FRS2: variants seen among roughly 807,000 people sequenced by gnomAD.
The protein encoded by FRS2 is FGFR signalling adaptor.
A neutral mutation model predicts 43.9 loss-of-function variants in FRS2; 8 were observed. The ratio of observed to expected loss-of-function variants is 0.18; its 90% CI spans 0.11 to 0.33. The LOEUF (loss-of-function observed/expected upper bound fraction) is 0.33, where lower values mean the gene tolerates loss of function less well. Among genes scored for constraint, FRS2 ranks in the 10% least tolerant of loss-of-function variants. The pLI is 1.00. For synonymous variants in FRS2, 219 were observed against 220.3 expected (o/e 0.99, Z 0.05); for missense variants, 534 against 627.6 (o/e 0.85, Z 1.59).
At chr12:69,480,191 A>G (rs2120721427) in intron 1 of FRS2, 1 of 152,322 alleles carries the variant, frequency 6.6e-6, no homozygotes, top group South Asian at 2.1e-4. Flanking sequence ...AAGTGCATTC[A>G]CATCATTGTG....
rs1881286884 is a variant in FRS2, at chr12:69,577,765, C to A, written c.*2810C>A. On this transcript the variant is annotated 3_prime_UTR_variant, in exon 9 of 9. Transcript: ENST00000549921. ...CCTTCCCTCCCTCCAGGAAGACTGG[C>A]AAATATTTCCTTTTATTTACTGCTG... 1 of 152,546 alleles carries A rather than the reference C, an allele frequency of 6.6e-6. No homozygotes were observed. Among genetic ancestry groups the A allele is most frequent in the Admixed American group, 6.6e-5 (1 of 15,252 alleles). The allele number at this position is 152,546 out of a possible 1,614,324, so 9.4% of individuals were successfully genotyped here.
chr12:69,538,195 TTTTATATATATA>T (rs71094721), intron 3 of FRS2, among the ~76,000 whole-genome samples: 28,859 of 76,806 alleles, frequency 0.38, 3,481 homozygotes, highest in South Asian at 0.5. Flanking sequence ...AAAAAACAAA[TTTTATATATATA>T]TATATATATA....
intron 3 of FRS2, among the ~76,000 whole-genome samples, chr12:69,549,024 C>T (rs895516476): frequency 1.3e-5 from 2 of 152,044 alleles, no homozygotes; most frequent in Non-Finnish European, 2.9e-5. Context: ...AACTTTTAAG[C>T]CCTACCTTAA....
At chr12:69,494,567 T>G (rs1045020293) in intron 1 of FRS2, among the ~76,000 whole-genome samples, 1 of 152,190 alleles carries the variant, frequency 6.6e-6, no homozygotes, top group African/African-American at 2.4e-5. Flanking sequence ...CAGATACTTC[T>G]TTGTTGTGGG....
chr12:69,570,850 C>A (rs1016428747), intron 6 of FRS2, among the ~76,000 whole-genome samples: 1 of 152,098 alleles, frequency 6.6e-6, no homozygotes, highest in Non-Finnish European at 1.5e-5. Flanking sequence ...TGTTAAATTT[C>A]TTCTCTATAA....
intron 3 of FRS2, among the ~76,000 whole-genome samples, chr12:69,555,696 C>A (rs1215199075): frequency 1.3e-5 from 2 of 152,074 alleles, no homozygotes; most frequent in Non-Finnish European, 2.9e-5. Context: ...TGAGTGTGCA[C>A]GTGTTTTGGT....
rs1034419709 is a variant in FRS2, at chr12:69,574,061, T to C, written c.633T>C (p.Ser211=). ...GVQEERKNRT[S]VHVPLEARVS... is the part of the protein sequence containing the mutation. ...AAGAAGAGCGGAAAAACCGCACAAG[T>C]GTGCATGTTCCATTGGAGGCGAGGG... The change falls in exon 9 of 9, where the codon AGT becomes AGC. Residue 211 remains serine (S), a synonymous_variant. Transcript: ENST00000549921. 1.9e-6 allele frequency: 3 copies of C among 1,614,104 alleles called. No homozygotes were observed. The African/African-American group carries it at 4.0e-5, about 22-fold the overall frequency.
intron 1 of FRS2, among the ~76,000 whole-genome samples, chr12:69,491,173 G>A (rs1310674629): frequency 6.6e-6 from 1 of 152,046 alleles, no homozygotes; most frequent in East Asian, 1.9e-4. Context: ...TTGGCTCATT[G>A]CAGCCTTGAC....
At chr12:69,567,568 T>C (rs1297840270) in intron 4 of FRS2, among the ~76,000 whole-genome samples, 1 of 152,196 alleles carries the variant, frequency 6.6e-6, no homozygotes, top group Non-Finnish European at 1.5e-5. Flanking sequence ...CCACAATTTC[T>C]ACTCAGTACA....
chr12:69,562,717 C>G (rs187090484), intron 4 of FRS2, among the ~76,000 whole-genome samples: 2 of 151,818 alleles, frequency 1.3e-5, no homozygotes, highest in East Asian at 3.9e-4. Flanking sequence ...TGAGACAGAG[C>G]CTTGCTTTGT....
chr12:69,475,632 C>T (rs1335330784), intron 1 of FRS2, among the ~76,000 whole-genome samples: 2 of 152,136 alleles, frequency 1.3e-5, no homozygotes, highest in Admixed American at 1.3e-4. Flanking sequence ...TAGATAGACC[C>T]GTGTCAAAAT....
chr12:69,559,319 T>G lies in FRS2; in HGVS notation c.-121-2861T>G, dbSNP rs150513196. ...CAGTTCAGGGAATTTTGATTAGATA[T>G]AATTGCCAGAAATTAAGGTACCAGA... is the stretch of plus-strand genomic sequence containing the variant. On this transcript the variant is annotated intron_variant, in intron 3 of 8. Transcript: ENST00000549921. Among the ~76,000 whole-genome samples the G allele has an allele frequency of 3.9e-5, 6 of 152,344 alleles. No homozygotes were observed. In the East Asian group the frequency reaches 1.2e-3, roughly 29 times the overall value.
intron 1 of FRS2, among the ~76,000 whole-genome samples, chr12:69,488,842 G>C (rs79074028): frequency 7.8e-4 from 119 of 152,272 alleles, no homozygotes; most frequent in African/African-American, 2.7e-3. Context: ...GGAATGGACT[G>C]CTGGCTCTTA....
Position 69,574,405 on chromosome 12 carries a change from C to A in FRS2, c.977C>A (p.Thr326Lys), listed in dbSNP as rs1387427153. Residue 326 changes from threonine (T) to lysine (K), a missense_variant, in exon 9 of 9, where the codon ACA becomes AAA. Physicochemically the swap from Thr to Lys is moderately conservative, Grantham distance 78. This residue lies in a region of FRS2 where 446 missense variants were observed against 494.2 expected (regional missense o/e 0.90). Coordinates refer to ENST00000549921, the MANE Select transcript of FRS2 (RefSeq NM_001278356.2). ...SASGVRRGRL[T>K]STSTSDTQNI... ...TCAGGGGTCAGGAGAGGTCGTCTGA[C>A]ATCCACCAGTACCTCAGATACCCAG... 6.2e-7 allele frequency: 1 copy of A among 1,613,754 alleles called. No individual in the cohort carries two copies. The highest frequency in any genetic ancestry group is 1.3e-5 in the African/African-American group (1 of 74,914).
chr12:69,522,945 A>C (rs973776038), intron 1 of FRS2, among the ~76,000 whole-genome samples: 89 of 152,200 alleles, frequency 5.8e-4, no homozygotes, highest in African/African-American at 2.0e-3. Flanking sequence ...TGGTGCAGAA[A>C]GGTAGTTGGT....
chr12:69,560,104 A>G (rs1879758090), intron 3 of FRS2, among the ~76,000 whole-genome samples: 1 of 152,198 alleles, frequency 6.6e-6, no homozygotes, highest in Non-Finnish European at 1.5e-5. Flanking sequence ...GGAATAATTT[A>G]GGACAGCTTT....
intron 3 of FRS2, among the ~76,000 whole-genome samples, chr12:69,549,962 G>A (rs1878730602): frequency 6.6e-6 from 1 of 152,048 alleles, no homozygotes; most frequent in Admixed American, 6.6e-5. Flanking sequence ...AGCTGCTGTA[G>A]GTCTTACTTT....
intron 1 of FRS2, among the ~76,000 whole-genome samples, chr12:69,491,883 A>C (rs1872528318): frequency 6.6e-6 from 1 of 152,162 alleles, no homozygotes. Flanking sequence ...TTAGAAGTAG[A>C]ATTTCTGTGT....
intron 3 of FRS2, among the ~76,000 whole-genome samples, chr12:69,545,861 A>G (rs1878357694): frequency 6.6e-6 from 1 of 152,186 alleles, no homozygotes; most frequent in Non-Finnish European, 1.5e-5. Context: ...TCAATGGGAA[A>G]GGAACAGTCT....
Sources: gnomAD v4.1 joint callset for allele counts (sites outside exome capture counted in the v4.1 genomes callset) on GRCh38, gnomAD v4.1.1 for gene constraint, gnomAD v4.1.1 regional missense constraint, MANE v1.5 for transcripts, NCBI Gene and HGNC (gene_info 2026-07-23, HGNC 2026-07-21) for gene names.